The following TMEM108 variants were observed in gnomAD, a reference collection of about 807,000 sequenced individuals.
TMEM108 encodes the protein cancer/testis antigen 124.
In TMEM108, 12 loss-of-function variants were observed where a neutral mutation model predicts 35.1. The observed-to-expected ratio is 0.34, with a 90% CI of 0.22 to 0.55. The LOEUF (loss-of-function observed/expected upper bound fraction) is 0.55, where lower values mean the gene tolerates loss of function less well. TMEM108 is among the 20% of genes least tolerant of loss of function. TMEM108 has a pLI of 0.89. For synonymous variants in TMEM108, 287 were observed against 308.6 expected, an observed-to-expected ratio of 0.93 and a Z score of 0.73; for missense variants, 680 against 753.3, an observed-to-expected ratio of 0.90 and a Z score of 1.14.
intron 3 of TMEM108, among the ~76,000 whole-genome samples, chr3:133,242,150 C>T (rs4854577): frequency 0.32 from 48,429 of 152,058 alleles, 8,512 homozygotes; most frequent in East Asian, 0.47. Flanking sequence ...ATCATAAGCT[C>T]ATCCCAAGAT....
chr3:133,281,274 A>G (rs1215230939), intron 3 of TMEM108, among the ~76,000 whole-genome samples: 1 of 152,184 alleles, frequency 6.6e-6, no homozygotes, highest in Non-Finnish European at 1.5e-5. Context: ...GGAAAATGAG[A>G]GCCAGGGCCT....
At chr3:133,377,930 C>T (rs745983821) in intron 3 of TMEM108, among the ~76,000 whole-genome samples, 7 of 152,172 alleles carry the variant, frequency 4.6e-5, no homozygotes, top group Admixed American at 6.5e-5. Context: ...GATCTGGTTG[C>T]GTGCTCCTGA....
intron 3 of TMEM108, among the ~76,000 whole-genome samples, chr3:133,255,127 A>G (rs878999610): frequency 6.6e-6 from 1 of 152,158 alleles, no homozygotes; most frequent in Non-Finnish European, 1.5e-5. Flanking sequence ...TATTTTACTC[A>G]TTAAGGAGAT....
At chr3:133,351,105 A>G (rs2071983153) in intron 3 of TMEM108, among the ~76,000 whole-genome samples, 1 of 152,108 alleles carries the variant, frequency 6.6e-6, no homozygotes, top group African/African-American at 2.4e-5. Context: ...ACAGTACAAA[A>G]AGGCACCACA....
chr3:133,106,926 GT>G (rs965875984), intron 2 of TMEM108, among the ~76,000 whole-genome samples: 6 of 152,228 alleles, frequency 3.9e-5, no homozygotes, highest in Admixed American at 3.3e-4. Flanking sequence ...GTTTATTGTT[GT>G]TTTGAGCCAT....
chr3:133,113,522 ATG>A (rs1481556611), intron 2 of TMEM108, among the ~76,000 whole-genome samples: 1 of 152,186 alleles, frequency 6.6e-6, no homozygotes, highest in East Asian at 1.9e-4. Context: ...TTTATATCAT[ATG>A]TCTTATAAAA....
At position 133,183,300 on chromosome 3, in the gene TMEM108, T is replaced by G. The variant is rs147986815; in HGVS notation, c.-46-45966T>G. Among the ~76,000 whole-genome samples the G allele has an allele frequency of 5.3e-5, 8 of 152,336 alleles. No homozygotes were observed. In the East Asian group the frequency reaches 1.5e-3, roughly 29 times the overall value. On this transcript the variant is annotated intron_variant, in intron 2 of 5. Transcript: ENST00000321871. ...ATATGAAACCAATACATTTCCCTCT[T>G]CCTCTTAAAGTCTTATCTTATTCCT... is the stretch of plus-strand genomic sequence containing the variant.
intron 2 of TMEM108, among the ~76,000 whole-genome samples, chr3:133,053,476 A>G (rs1206280065): frequency 6.6e-6 from 1 of 152,282 alleles, no homozygotes; most frequent in East Asian, 1.9e-4. Context: ...TAGCAAAGAA[A>G]AGGAGAACAC....
intron 2 of TMEM108, among the ~76,000 whole-genome samples, chr3:133,198,428 A>G (rs1352911676): frequency 6.6e-6 from 1 of 152,212 alleles, no homozygotes; most frequent in African/African-American, 2.4e-5. Flanking sequence ...GATCAAGAGG[A>G]TGGGGTACCC....
At chr3:133,213,562 ATCTG>A (rs1354710654) in intron 2 of TMEM108, among the ~76,000 whole-genome samples, 1 of 152,112 alleles carries the variant, frequency 6.6e-6, no homozygotes, top group East Asian at 1.9e-4. Context: ...TTGTCAAAAG[ATCTG>A]TCTAATGATC....
chr3:133,151,074 T>G (rs1944793046), intron 2 of TMEM108, among the ~76,000 whole-genome samples: 1 of 152,174 alleles, frequency 6.6e-6, no homozygotes, highest in African/African-American at 2.4e-5. Context: ...TTTTTATTCC[T>G]TTAGCTCTCC....
At chr3:133,188,370 C>T (rs992315304) in intron 2 of TMEM108, among the ~76,000 whole-genome samples, 7 of 151,064 alleles carry the variant, frequency 4.6e-5, no homozygotes, top group African/African-American at 1.7e-4. Context: ...CCTGAAATGA[C>T]ATTTGTGGGT....
At chr3:133,137,662 A>G (rs1944583930) in intron 2 of TMEM108, among the ~76,000 whole-genome samples, 1 of 152,190 alleles carries the variant, frequency 6.6e-6, no homozygotes, top group Non-Finnish European at 1.5e-5. Context: ...AGATTACACA[A>G]GGTTCTCAGC....
At chr3:133,221,660 CTTTTTTTTTT>C (rs3078806) in intron 2 of TMEM108, among the ~76,000 whole-genome samples, 1,889 of 60,518 alleles carry the variant, frequency 0.031, 84 homozygotes, top group African/African-American at 0.11. Flanking sequence ...ACATTGATTC[CTTTTTTTTTT>C]TTTTTTTTTT....
chr3:133,164,668 G>A (rs1196048924), intron 2 of TMEM108, among the ~76,000 whole-genome samples: 2 of 152,186 alleles, frequency 1.3e-5, no homozygotes, highest in Non-Finnish European at 2.9e-5. Context: ...AGTGGTGACT[G>A]TGGCAAGATC....
At chr3:133,151,242 G>A (rs1421549569) in intron 2 of TMEM108, among the ~76,000 whole-genome samples, 2 of 152,076 alleles carry the variant, frequency 1.3e-5, no homozygotes, top group Admixed American at 6.6e-5. Flanking sequence ...CCTTAGGACT[G>A]TAATCCTGAG....
chr3:133,052,155 T>A (rs1390027839), intron 2 of TMEM108, among the ~76,000 whole-genome samples: 5 of 152,186 alleles, frequency 3.3e-5, no homozygotes, highest in Non-Finnish European at 7.4e-5. Context: ...CTTTGAGTTC[T>A]TTCACCAGAG....
chr3:133,333,560 G>C lies in TMEM108; in HGVS notation c.41-46192G>C, dbSNP rs147896332. 3.7e-3 allele frequency among the ~76,000 whole-genome samples: 569 copies of C among 152,122 alleles called. 3 individuals carry two copies. Among genetic ancestry groups the C allele is most frequent in the African/African-American group, 0.013 (519 of 41,504 alleles). On this transcript the variant is annotated intron_variant, in intron 3 of 5. Transcript: ENST00000321871. ...ATCAAAAAATAAATAAACAATAAAG[G>C]ACCCCTTAGCTTGGCATACAGTTCC...
intron 2 of TMEM108, among the ~76,000 whole-genome samples, chr3:133,109,540 A>G (rs1944200874): frequency 6.6e-6 from 1 of 152,232 alleles, no homozygotes; most frequent in African/African-American, 2.4e-5. Context: ...CTGTTTCTAA[A>G]GAGAATAGGG....
Sources: gnomAD v4.1 joint callset for allele counts (sites outside exome capture counted in the v4.1 genomes callset) on GRCh38, gnomAD v4.1.1 for gene constraint, MANE v1.5 for transcripts, NCBI Gene and HGNC (gene_info 2026-07-23, HGNC 2026-07-21) for gene names.